The following COLGALT2 variants were observed in gnomAD, a reference collection of about 807,000 sequenced individuals.
COLGALT2 encodes procollagen galactosyltransferase 2.
COLGALT2 carries 49 observed loss-of-function variants against 73.4 expected under a neutral mutation model. That is an observed-to-expected ratio of 0.67 (90% CI 0.53 to 0.85). The LOEUF is 0.85. COLGALT2 is among the 40% of genes least tolerant of loss of function. The pLI is 0.00. For missense variants in COLGALT2, 722 were observed against 790.2 expected (o/e 0.91, Z 1.03); for synonymous variants, 295 against 307.6 (o/e 0.96, Z 0.43).
At chr1:184,007,797 T>C (rs1336497884) in intron 1 of COLGALT2, among the ~76,000 whole-genome samples, 2 of 152,186 alleles carry the variant, frequency 1.3e-5, no homozygotes, top group Non-Finnish European at 2.9e-5. Context: ...TGAAAAGAGC[T>C]CTACCCTACT....
rs1340183315 is a variant in COLGALT2 at position 183,944,289 on chromosome 1, A to C, written c.1304T>G (p.Ile435Ser). The C allele has an allele frequency of 6.2e-7, 1 of 1,613,970 alleles. No individual in the cohort carries two copies. The highest frequency in any genetic ancestry group is 8.5e-7 in the Non-Finnish European group (1 of 1,179,940). ...ATGCTCAAAACGCACATCGTCTTCA[A>C]TTACAAGAGTCTTCTCTAGCTCTCG... ...IDRELEKTLV[I>S]EDDVRFEHQF... Residue 435 changes from isoleucine (I) to serine (S), a missense_variant, in exon 10 of 12, where the codon ATT (isoleucine) becomes AGT (serine). Physicochemically the swap from Ile to Ser is moderately radical, Grantham distance 142. Transcript: ENST00000361927.
intron 1 of COLGALT2, among the ~76,000 whole-genome samples, chr1:184,014,694 G>T (rs1648944518): frequency 6.6e-6 from 1 of 152,176 alleles, no homozygotes; most frequent in South Asian, 2.1e-4. Flanking sequence ...TGAGGCAAAG[G>T]CTACTGGGAG....
At chr1:183,939,087 A>T in intron 11 of COLGALT2, 50 bp from the exon 12 acceptor site, 1 of 1,453,726 alleles carries the variant, frequency 6.9e-7, no homozygotes, top group Non-Finnish European at 9.6e-7. Flanking sequence ...AAGGAGACTT[A>T]CGGAACAGGG....
rs547317928 is a variant in COLGALT2 at position 183,937,035 on chromosome 1, C to A, written c.*1726G>T. 26 of 1,231,728 alleles carry A rather than the reference C, an allele frequency of 2.1e-5. No homozygotes were observed. The African/African-American group carries it at 3.9e-4, about 18-fold the overall frequency. 76.3% of individuals were successfully genotyped at this position (1,231,728 alleles called of 1,614,324 possible). On this transcript the variant is annotated 3_prime_UTR_variant, in exon 12 of 12. Transcript: ENST00000361927. ...CTAGACTCTGAGCCATGCTGTTCAACCTTAATGTGGCAATCAGTATCACAT... is the reference window on the plus strand; with the variant it reads ...CTAGACTCTGAGCCATGCTGTTCAAACTTAATGTGGCAATCAGTATCACAT...
intron 1 of COLGALT2, among the ~76,000 whole-genome samples, chr1:184,012,999 C>T (rs1648860163): frequency 6.6e-6 from 1 of 152,272 alleles, no homozygotes; most frequent in South Asian, 2.1e-4. Flanking sequence ...AAAAAGTAAA[C>T]ATAATTAAGA....
At position 183,963,953 on chromosome 1, in the gene COLGALT2, C is replaced by G; in HGVS notation, c.900G>C (p.Gln300His). ...GGTTCTCGATGTCTTCCTGCAGTGT[C>G]TGATGGGGCTTCAGGGGGATGGGCA... ...GYLPIPLKPH[Q>H]TLQEDIENLI... Residue 300 changes from glutamine to histidine, a missense_variant, in exon 6 of 12, where the codon CAG becomes CAC. Coordinates refer to ENST00000361927, the MANE Select transcript of COLGALT2 (RefSeq NM_015101.4). The G allele has an allele frequency of 6.2e-7, 1 of 1,613,300 alleles. No individual in the cohort carries two copies. The highest frequency in any genetic ancestry group is 2.2e-5 in the East Asian group (1 of 44,852).
chr1:183,933,466 C>T (rs992936069), downstream of COLGALT2, among the ~76,000 whole-genome samples: 1 of 152,234 alleles, frequency 6.6e-6, no homozygotes, highest in Non-Finnish European at 1.5e-5. Flanking sequence ...CAAGTCTTCA[C>T]AATTTATGCT....
At chr1:183,934,662 C>T (rs1279290096), downstream of COLGALT2, among the ~76,000 whole-genome samples, 2 of 152,204 alleles carry the variant, frequency 1.3e-5, no homozygotes, top group African/African-American at 2.4e-5. Flanking sequence ...TTTCTTTCCT[C>T]TGTTTAGTTG....
chr1:183,976,254 G>A (rs2148677), intron 2 of COLGALT2, among the ~76,000 whole-genome samples: 42,506 of 151,670 alleles, frequency 0.28, 7,384 homozygotes, highest in Non-Finnish European at 0.39. Context: ...GCACTCTAAA[G>A]GAGTGTTTAC....
At chr1:183,932,954 C>T (rs1323580088), downstream of COLGALT2, among the ~76,000 whole-genome samples, 2 of 152,154 alleles carry the variant, frequency 1.3e-5, no homozygotes, top group African/African-American at 4.8e-5. Context: ...AAGGGGTTCT[C>T]GACTCTGGTT....
chr1:183,972,817 A>C (rs1671082625), intron 4 of COLGALT2, among the ~76,000 whole-genome samples: 1 of 151,846 alleles, frequency 6.6e-6, no homozygotes, highest in African/African-American at 2.4e-5. Context: ...CTCCTGCCTC[A>C]GCCTTCCGAG....
At chr1:183,991,878 T>G (rs1057478716) in intron 1 of COLGALT2, among the ~76,000 whole-genome samples, 1 of 152,166 alleles carries the variant, frequency 6.6e-6, no homozygotes, top group Middle Eastern at 3.2e-3. Context: ...TTTTTCCATT[T>G]CTATTCTGGA....
chr1:183,970,952 G>A (rs952203772), intron 4 of COLGALT2, among the ~76,000 whole-genome samples: 2 of 152,124 alleles, frequency 1.3e-5, no homozygotes, highest in Non-Finnish European at 1.5e-5. Context: ...AAGTACTTGC[G>A]TCTAATATAA....
intron 1 of COLGALT2, among the ~76,000 whole-genome samples, chr1:184,026,982 G>A (rs1649352139): frequency 6.6e-6 from 1 of 152,050 alleles, no homozygotes; most frequent in South Asian, 2.1e-4. Flanking sequence ...TTTATACTGA[G>A]CCCCAGTGCA....
chr1:183,954,706 AACAC>A, intron 7 of COLGALT2, 52 bp downstream of exon 7: 1 of 1,373,220 alleles, frequency 7.3e-7, no homozygotes, highest in Non-Finnish European at 1.0e-6. Flanking sequence ...TTCCAAAATG[AACAC>A]ACAAGCCTGC....
At chr1:183,941,389 TC>T (rs1670105024) in intron 10 of COLGALT2, among the ~76,000 whole-genome samples, 1 of 152,174 alleles carries the variant, frequency 6.6e-6, no homozygotes, top group African/African-American at 2.4e-5. Context: ...TGGCCAGGCT[TC>T]CTCCCAGACA....
chr1:184,000,560 C>T (rs905565160), intron 1 of COLGALT2, among the ~76,000 whole-genome samples: 1 of 125,036 alleles, frequency 8.0e-6, no homozygotes, highest in Non-Finnish European at 1.6e-5. Context: ...CCTTAAATTG[C>T]ACAGTATTGT....
At chr1:184,036,921 G>A (rs1299126347) in intron 1 of COLGALT2, among the ~76,000 whole-genome samples, 174 bp downstream of exon 1, 7 of 152,228 alleles carry the variant, frequency 4.6e-5, no homozygotes, top group African/African-American at 1.7e-4. Context: ...CTGACCGCCC[G>A]ATCCGCCAGC....
At chr1:183,993,626 CCCAGGTCAGG>C (rs1671690785) in intron 1 of COLGALT2, among the ~76,000 whole-genome samples, 1 of 152,124 alleles carries the variant, frequency 6.6e-6, no homozygotes. Flanking sequence ...CTTCCCCAGC[CCCAGGTCAGG>C]CCATGTCTAA....
Sources: gnomAD v4.1 joint callset for allele counts (sites outside exome capture counted in the v4.1 genomes callset) on GRCh38, gnomAD v4.1.1 for gene constraint, MANE v1.5 for transcripts, NCBI Gene and HGNC (gene_info 2026-07-23, HGNC 2026-07-21) for gene names.